Variants in COL11A1 observed in about 807,000 individuals in gnomAD.
COL11A1 encodes the protein collagen type XI alpha 1 chain.
In COL11A1, 74 loss-of-function variants were observed where a neutral mutation model predicts 265.2. That is an observed-to-expected ratio of 0.28 (90% confidence interval 0.23 to 0.34). The LOEUF (loss-of-function observed/expected upper bound fraction) is 0.34. Ranked by LOEUF, COL11A1 falls within the 10% of genes least tolerant of loss-of-function variation. The probability of loss-of-function intolerance (pLI) is 1.00; values close to 1 mark genes in which losing one functional copy is unlikely to be tolerated. For missense variants in COL11A1, 2,165 were observed against 2,263.6 expected (o/e 0.96, Z 0.88); for synonymous variants, 816 against 727.6 (o/e 1.12, Z -1.96).
chr1:102,994,054 T>G (rs1212823421), intron 28 of COL11A1, among the ~76,000 whole-genome samples: 1 of 152,080 alleles, frequency 6.6e-6, no homozygotes, highest in Non-Finnish European at 1.5e-5. Context: ...GTTGTTTACT[T>G]TTAGTATATA....
chr1:102,970,389 T>G (rs911262079), intron 36 of COL11A1, 117 bp from the exon 37 acceptor site: 2 of 721,474 alleles, frequency 2.8e-6, no homozygotes, highest in East Asian at 2.8e-5. Flanking sequence ...TATTTTACTT[T>G]GCTCTTCTGT....
intron 1 of COL11A1, among the ~76,000 whole-genome samples, chr1:103,102,597 C>A (rs949927571): frequency 6.6e-6 from 1 of 151,952 alleles, no homozygotes. Context: ...ATGATCACGC[C>A]ATCCATGCTT....
At chr1:103,060,700 G>C (rs1457121541) in intron 4 of COL11A1, among the ~76,000 whole-genome samples, 1 of 152,130 alleles carries the variant, frequency 6.6e-6, no homozygotes, top group African/African-American at 2.4e-5. Flanking sequence ...GGCGGCACAT[G>C]CATTTAATCC....
rs984115574 is a variant in COL11A1, at chr1:103,088,531, C to T, written c.107-5559G>A. On this transcript the variant is annotated intron_variant, in intron 1 of 66. Coordinates refer to ENST00000370096, the MANE Select transcript of COL11A1 (RefSeq NM_001854.4). ...AATAAAAGGACAATATTTTGTGACA[C>T]ATGAAAACTATATGAAATTTCAGCT... Among the ~76,000 whole-genome samples, 8 of 152,262 alleles carry T rather than the reference C, an allele frequency of 5.3e-5. 1 individual carries two copies. The South Asian group carries it at 1.7e-3, about 32-fold the overall frequency.
intron 49 of COL11A1, among the ~76,000 whole-genome samples, chr1:102,917,817 A>C (rs948718519): frequency 6.6e-6 from 1 of 151,762 alleles, no homozygotes; most frequent in South Asian, 2.1e-4. Flanking sequence ...AAAAAATTTA[A>C]AATATATTCT....
At chr1:102,931,499 A>G (rs559738059) in intron 46 of COL11A1, among the ~76,000 whole-genome samples, 1 of 152,038 alleles carries the variant, frequency 6.6e-6, no homozygotes, top group African/African-American at 2.4e-5. Context: ...TGCTGAGGAG[A>G]GCTTTACTTC....
chr1:102,939,013 C>G (rs199519627), intron 44 of COL11A1, 22 bp downstream of exon 44: 2 of 1,607,666 alleles, frequency 1.2e-6, no homozygotes, highest in Admixed American at 1.7e-5. Flanking sequence ...AATGTTCTCT[C>G]AGTAAGAAGT....
chr1:103,057,020 AATAAGGCAATG>A (rs1670304451), intron 4 of COL11A1, among the ~76,000 whole-genome samples: 2 of 152,128 alleles, frequency 1.3e-5, no homozygotes, highest in Admixed American at 6.6e-5. Context: ...AATTTCTTAA[AATAAGGCAATG>A]ATGAAGTTTG....
chr1:103,073,835 C>T (rs1466775491), intron 4 of COL11A1, among the ~76,000 whole-genome samples: 1 of 150,992 alleles, frequency 6.6e-6, no homozygotes, highest in African/African-American at 2.4e-5. Flanking sequence ...TATAGTCACA[C>T]ATCAAAAAAT....
chr1:102,951,902 C>T (rs1410680542), intron 41 of COL11A1, among the ~76,000 whole-genome samples: 1 of 151,958 alleles, frequency 6.6e-6, no homozygotes, highest in Non-Finnish European at 1.5e-5. Flanking sequence ...ATTACCTTAA[C>T]TGGATGCATT....
In COL11A1 at chr1:103,092,000, A is replaced by G. The variant is rs936527819; in HGVS notation, c.107-9028T>C. Among the ~76,000 whole-genome samples the G allele has an allele frequency of 3.9e-5, 6 of 152,260 alleles. No individual in the cohort carries two copies. The East Asian group carries it at 1.2e-3, about 29-fold the overall frequency. ...AAATGTATTTTCTTACAATTCCAGG[A>G]AAATTCCAGTTTAAAACAAAATGAA... On this transcript the variant is annotated intron_variant, in intron 1 of 66. Transcript: ENST00000370096.
At chr1:102,997,023 G>C (rs1570980856) in intron 26 of COL11A1, 57 bp downstream of exon 26, 1 of 1,432,470 alleles carries the variant, frequency 7.0e-7, no homozygotes, top group Non-Finnish European at 9.8e-7. Context: ...CCAAATTAAG[G>C]CATTTTCTCT....
At chr1:103,005,053 A>G (rs927588085) in intron 18 of COL11A1, among the ~76,000 whole-genome samples, 1 of 152,056 alleles carries the variant, frequency 6.6e-6, no homozygotes. Context: ...TAAGTAATTT[A>G]TATTAAATCA....
At chr1:103,034,680 T>C (rs1289635354) in intron 4 of COL11A1, among the ~76,000 whole-genome samples, 2 of 152,108 alleles carry the variant, frequency 1.3e-5, no homozygotes, top group Admixed American at 6.6e-5. Context: ...GGAAGTCCAA[T>C]GTCTGTGCTT....
chr1:102,994,366 T>G (rs1664423882), intron 28 of COL11A1, among the ~76,000 whole-genome samples: 1 of 152,084 alleles, frequency 6.6e-6, no homozygotes, highest in Non-Finnish European at 1.5e-5. Flanking sequence ...GTCCTCCTGA[T>G]AGTGAGTGCC....
intron 64 of COL11A1, 80 bp downstream of exon 64, chr1:102,883,119 A>G (rs528476341): frequency 1.0e-5 from 9 of 897,248 alleles, no homozygotes; most frequent in Admixed American, 6.8e-5. Flanking sequence ...ATATGACAGT[A>G]TAATTTTCCT....
At chr1:103,024,222 G>T (rs1399204083) in intron 7 of COL11A1, among the ~76,000 whole-genome samples, 1 of 152,094 alleles carries the variant, frequency 6.6e-6, no homozygotes. Flanking sequence ...GGACTCCTGG[G>T]CTTACATGAT....
chr1:103,024,671 G>T (rs1271044811), intron 7 of COL11A1, among the ~76,000 whole-genome samples: 3 of 151,602 alleles, frequency 2.0e-5, no homozygotes, highest in East Asian at 1.9e-4. Flanking sequence ...CATTTTTTTT[G>T]AAAATTATTA....
At chr1:102,959,406 G>T (rs562637954) in intron 41 of COL11A1, among the ~76,000 whole-genome samples, 1 of 67,762 alleles carries the variant, frequency 1.5e-5, no homozygotes, top group African/African-American at 5.0e-5. Flanking sequence ...GTATTTTCTC[G>T]CTCTTCAACG....
Sources: gnomAD v4.1 joint callset for allele counts (sites outside exome capture counted in the v4.1 genomes callset) on GRCh38, gnomAD v4.1.1 for gene constraint, MANE v1.5 for transcripts, NCBI Gene and HGNC (gene_info 2026-07-23, HGNC 2026-07-21) for gene names.